The following ABCC9 variants were observed in gnomAD, a reference collection of about 807,000 sequenced individuals.
The protein encoded by ABCC9 is ATP binding cassette subfamily C member 9.
In ABCC9, 95 loss-of-function variants were observed where a neutral mutation model predicts 188.3. The ratio of observed to expected loss-of-function variants is 0.50; its 90% CI spans 0.43 to 0.60. ABCC9 has a LOEUF of 0.60. Ranked by LOEUF, ABCC9 falls within the 20% of genes least tolerant of loss-of-function variation. The pLI is 0.00. For missense variants in ABCC9, 1,102 were observed against 1,876.3 expected (o/e 0.59, Z 7.62); for synonymous variants, 659 against 652.7 (o/e 1.01, Z -0.15).
At position 21,817,041 on chromosome 12, in the gene ABCC9, T is replaced by C. The variant is rs551017524; in HGVS notation, c.3892+146A>G. The C allele has an allele frequency of 1.3e-5, 11 of 837,958 alleles. No individual in the cohort carries two copies. The African/African-American group carries it at 1.7e-4, about 13-fold the overall frequency. 51.9% of individuals were successfully genotyped at this position (837,958 alleles called of 1,614,324 possible). Reference sequence around the variant, plus strand: ...CTAAATAGTCACATCTTTTCCGGTGTACATAATCAAGCAAAGCCAAGATAT... The same window carrying C: ...CTAAATAGTCACATCTTTTCCGGTGCACATAATCAAGCAAAGCCAAGATAT... On this transcript the variant is annotated intron_variant, in intron 33 of 39. Coordinates refer to ENST00000261200, the MANE Select transcript of ABCC9 (RefSeq NM_020297.4).
At chr12:21,890,982 T>TA (rs1947133129) in intron 14 of ABCC9, among the ~76,000 whole-genome samples, 1 of 151,510 alleles carries the variant, frequency 6.6e-6, no homozygotes, top group Non-Finnish European at 1.5e-5. Context: ...ATAATAAAAT[T>TA]TAAAAAAAAA....
chr12:21,799,771 G>C lies in ABCC9; in HGVS notation c.*1273C>G, dbSNP rs1400766903. The C allele has an allele frequency of 6.6e-6, 1 of 152,178 alleles. No individual in the cohort carries two copies. The highest frequency in any genetic ancestry group is 2.4e-5 in the African/African-American group (1 of 41,522). The allele number at this position is 152,178 out of a possible 1,614,324, so 9.4% of individuals were successfully genotyped here. ...TGCATGTGGATCTTCATATGAAAAA[G>C]AAATCAATGATATTGACACTGGATG... On this transcript the variant is annotated 3_prime_UTR_variant, in exon 40 of 40. Coordinates refer to ENST00000261200, the MANE Select transcript of ABCC9 (RefSeq NM_020297.4).
In ABCC9 at chr12:21,923,911, T is replaced by C; in HGVS notation, c.406+2031A>G. 3.0e-6 allele frequency: 2 copies of C among 674,030 alleles called. 1 individual carries two copies. The highest frequency in any genetic ancestry group is 3.3e-5 in the South Asian group (2 of 61,446). The allele number at this position is 674,030 out of a possible 1,614,324, so 41.8% of individuals were successfully genotyped here. On this transcript the variant is annotated intron_variant, in intron 5 of 39. Coordinates refer to ENST00000261200, the MANE Select transcript of ABCC9 (RefSeq NM_020297.4). ...GGGATTGAAAAAACTATGATATAGT[T>C]ATACAATGAAATGCAACAATAAGAA...
At chr12:21,936,980 A>T (rs1440669526) in intron 2 of ABCC9, among the ~76,000 whole-genome samples, 2 of 152,150 alleles carry the variant, frequency 1.3e-5, no homozygotes, top group Admixed American at 1.3e-4. Context: ...TGAGTGTCTG[A>T]CTAAAATGCT....
intron 4 of ABCC9, among the ~76,000 whole-genome samples, chr12:21,930,900 G>T (rs541163666): frequency 2.0e-5 from 3 of 152,130 alleles, no homozygotes; most frequent in East Asian, 3.9e-4. Context: ...GGGCATATGT[G>T]GGGGAAAGAT....
chr12:21,857,970 G>A (rs1945313170), intron 22 of ABCC9, among the ~76,000 whole-genome samples: 1 of 152,158 alleles, frequency 6.6e-6, no homozygotes, highest in Admixed American at 6.6e-5. Flanking sequence ...CTGCCTTAAA[G>A]GTGAGCAATG....
intron 35 of ABCC9, among the ~76,000 whole-genome samples, chr12:21,813,101 C>G (rs1296779345): frequency 3.3e-5 from 5 of 151,998 alleles, no homozygotes; most frequent in Non-Finnish European, 7.4e-5. Flanking sequence ...ATTGTCTGTT[C>G]CCCAACTAGA....
At chr12:21,838,868 A>C (rs763216925) in intron 29 of ABCC9, among the ~76,000 whole-genome samples, 1 of 152,090 alleles carries the variant, frequency 6.6e-6, no homozygotes, top group Non-Finnish European at 1.5e-5. Flanking sequence ...CCCTGTCTCT[A>C]CCAAAAAATT....
At chr12:21,891,897 TC>T (rs1359463571) in intron 14 of ABCC9, among the ~76,000 whole-genome samples, 1 of 152,126 alleles carries the variant, frequency 6.6e-6, no homozygotes, top group Non-Finnish European at 1.5e-5. Flanking sequence ...AAGAAAATGC[TC>T]TAAGTCCAAT....
intron 18 of ABCC9, 70 bp downstream of exon 18, chr12:21,872,555 C>T (rs1431365342): frequency 1.4e-5 from 17 of 1,229,504 alleles, no homozygotes; most frequent in Non-Finnish European, 1.7e-5. Context: ...ATGTATTTGT[C>T]TAAGTTCTTT....
At chr12:21,865,905 G>A (rs1287121295) in intron 18 of ABCC9, among the ~76,000 whole-genome samples, 1 of 152,098 alleles carries the variant, frequency 6.6e-6, no homozygotes, top group East Asian at 1.9e-4. Context: ...AATAAGGGCT[G>A]AGACAGGTGG....
chr12:21,835,054 T>C (rs1459724404), intron 30 of ABCC9, among the ~76,000 whole-genome samples: 1 of 152,052 alleles, frequency 6.6e-6, no homozygotes, highest in Non-Finnish European at 1.5e-5. Flanking sequence ...CTCAATAGGA[T>C]TTTTAGTTGA....
intron 24 of ABCC9, among the ~76,000 whole-genome samples, chr12:21,851,200 C>T (rs945394931): frequency 6.6e-6 from 1 of 152,006 alleles, no homozygotes; most frequent in African/African-American, 2.4e-5. Context: ...CTTTGTACTC[C>T]CAACTCAAGA....
chr12:21,807,657 T>G (rs1354267195), intron 37 of ABCC9, among the ~76,000 whole-genome samples, 178 bp from the exon 38 acceptor site: 1 of 152,182 alleles, frequency 6.6e-6, no homozygotes, highest in Non-Finnish European at 1.5e-5. Flanking sequence ...AATGAAGATG[T>G]CCCTAAATTA....
At chr12:21,903,712 AC>A (rs541681959) in intron 12 of ABCC9, among the ~76,000 whole-genome samples, 1,751 of 152,288 alleles carry the variant, frequency 0.011, 17 homozygotes, top group Non-Finnish European at 0.019. Context: ...ACCTAGAAAT[AC>A]AACCTACAAG....
chr12:21,825,699 G>C (rs773574738), intron 31 of ABCC9, among the ~76,000 whole-genome samples: 1 of 152,092 alleles, frequency 6.6e-6, no homozygotes, highest in Non-Finnish European at 1.5e-5. Context: ...TGTGGATCAC[G>C]GGTTGATGGG....
intron 31 of ABCC9, among the ~76,000 whole-genome samples, chr12:21,823,360 CA>C (rs1200140948): frequency 6.6e-6 from 1 of 152,070 alleles, no homozygotes; most frequent in African/African-American, 2.4e-5. Flanking sequence ...AATAGCAACC[CA>C]AAAGTATGTG....
intron 4 of ABCC9, among the ~76,000 whole-genome samples, chr12:21,928,457 GAAGA>G (rs1949139285): frequency 6.7e-6 from 1 of 148,884 alleles, no homozygotes; most frequent in South Asian, 2.1e-4. Context: ...AGGGAGGGAG[GAAGA>G]AAGGAAGGAA....
chr12:21,800,793 A>C lies in ABCC9; in HGVS notation c.*251T>G, dbSNP rs1048369854. 1 of 485,496 alleles carries C rather than the reference A, an allele frequency of 2.1e-6. No homozygotes were observed. The highest frequency in any genetic ancestry group is 1.9e-5 in the African/African-American group (1 of 51,410). 30.1% of individuals were successfully genotyped at this position (485,496 alleles called of 1,614,324 possible). A position where few individuals can be genotyped will look rare whatever the true frequency, so the allele number is the denominator to read the frequency against. ...ATTGATTTATCACTTAAAGTAGCTT[A>C]CATGTTTTAATACAACCTAGCTATT... is the stretch of plus-strand genomic sequence containing the variant. On this transcript the variant is annotated 3_prime_UTR_variant, in exon 40 of 40. Transcript: ENST00000261200.
Sources: allele counts gnomAD v4.1 joint callset (sites outside exome capture counted in the v4.1 genomes callset), GRCh38; gene constraint gnomAD v4.1.1; transcripts MANE v1.5; gene names NCBI Gene and HGNC (gene_info 2026-07-23, HGNC 2026-07-21).